Variants in PTPRD observed in about 807,000 individuals in gnomAD.
PTPRD encodes the protein protein tyrosine phosphatase receptor type D, also known as receptor-type tyrosine-protein phosphatase delta.
A neutral mutation model predicts 214.5 loss-of-function variants in PTPRD; 34 were observed. The ratio of observed to expected loss-of-function variants is 0.16; its 90% CI spans 0.12 to 0.21. PTPRD has a LOEUF of 0.21. PTPRD is among the 10% of genes least tolerant of loss of function. The pLI is 1.00. For missense variants in PTPRD, 2,545 were observed against 2,398.7 expected (o/e 1.06, Z -1.27); for synonymous variants, 1,128 against 845.7 (o/e 1.33, Z -5.79).
intron 2 of PTPRD, among the ~76,000 whole-genome samples, chr9:10,516,314 T>G (rs1329270178): frequency 2.0e-5 from 3 of 151,888 alleles, no homozygotes; most frequent in Admixed American, 1.3e-4. Flanking sequence ...TTGCACTTCT[T>G]GACAATTAGT....
At chr9:9,126,469 T>A (rs1188842881) in intron 10 of PTPRD, among the ~76,000 whole-genome samples, 1 of 152,224 alleles carries the variant, frequency 6.6e-6, no homozygotes, top group African/African-American at 2.4e-5. Context: ...GATTTTACCA[T>A]AGGTTAACTG....
chr9:9,775,310 G>A (rs1483842467), intron 5 of PTPRD, among the ~76,000 whole-genome samples: 1 of 152,134 alleles, frequency 6.6e-6, no homozygotes, highest in African/African-American at 2.4e-5. Context: ...TGAAGCTGAA[G>A]GGCTGGTTCC....
chr9:10,069,784 A>T (rs1282096220), intron 3 of PTPRD, among the ~76,000 whole-genome samples: 1 of 152,062 alleles, frequency 6.6e-6, no homozygotes, highest in Non-Finnish European at 1.5e-5. Context: ...CAATTATGAC[A>T]ATTATGAAAT....
chr9:8,698,534 A>C (rs1215294547), intron 12 of PTPRD, among the ~76,000 whole-genome samples: 2 of 152,202 alleles, frequency 1.3e-5, no homozygotes, highest in African/African-American at 4.8e-5. Context: ...TTTCTGTTGA[A>C]AGTTTTATCT....
intron 7 of PTPRD, among the ~76,000 whole-genome samples, chr9:9,728,091 C>A (rs146889003): frequency 6.6e-6 from 1 of 152,096 alleles, no homozygotes; most frequent in Non-Finnish European, 1.5e-5. Context: ...GGGGTTTCCT[C>A]TTTTTGCTTG....
At chr9:9,941,747 TGAA>T (rs1366874485) in intron 4 of PTPRD, among the ~76,000 whole-genome samples, 4 of 152,168 alleles carry the variant, frequency 2.6e-5, no homozygotes, top group Admixed American at 2.6e-4. Flanking sequence ...AGAACAACTC[TGAA>T]GAAGAGGTCC....
intron 2 of PTPRD, among the ~76,000 whole-genome samples, chr9:10,528,284 A>C (rs2054963870): frequency 6.6e-6 from 1 of 152,172 alleles, no homozygotes. Flanking sequence ...CCTGCTGTGC[A>C]TCCGTGCATG....
rs140252153 is a variant in PTPRD at position 9,429,395 on chromosome 9, T to A, written c.-236-31913A>T. Among the ~76,000 whole-genome samples the A allele has an allele frequency of 2.1e-3, 324 of 152,228 alleles. 2 individuals are homozygous for A. Among genetic ancestry groups the A allele is most frequent in the Non-Finnish European group, 4.0e-3 (274 of 68,024 alleles). On this transcript the variant is annotated intron_variant, in intron 8 of 45. Transcript: ENST00000381196. Reference sequence around the variant, plus strand: ...ATAGACCAATAGCAGGCTCTGAAATTGAGGCAATAATGAAGAGCCTACTGA... The same window carrying A: ...ATAGACCAATAGCAGGCTCTGAAATAGAGGCAATAATGAAGAGCCTACTGA...
At chr9:8,962,551 A>C (rs10977403) in intron 11 of PTPRD, among the ~76,000 whole-genome samples, 3 of 151,698 alleles carry the variant, frequency 2.0e-5, no homozygotes, top group Non-Finnish European at 4.4e-5. Flanking sequence ...AGAGAGAGAG[A>C]GAGAGCGAGA....
chr9:10,104,010 T>C (rs537725815), intron 3 of PTPRD, among the ~76,000 whole-genome samples: 4 of 151,660 alleles, frequency 2.6e-5, no homozygotes, highest in Non-Finnish European at 5.9e-5. Context: ...TTCTGACACA[T>C]ACCACCATGT....
At chr9:8,491,455 T>C (rs2097147595) in intron 27 of PTPRD, among the ~76,000 whole-genome samples, 1 of 152,164 alleles carries the variant, frequency 6.6e-6, no homozygotes, top group African/African-American at 2.4e-5. Context: ...TGGTGCTTCA[T>C]ATAAAACATT....
chr9:8,908,296 G>A (rs2098722374), intron 11 of PTPRD, among the ~76,000 whole-genome samples: 2 of 152,072 alleles, frequency 1.3e-5, no homozygotes, highest in African/African-American at 4.8e-5. Flanking sequence ...AAACACTAAA[G>A]GAATTTCATC....
At chr9:8,637,386 C>G (rs1443970432) in intron 12 of PTPRD, among the ~76,000 whole-genome samples, 2 of 152,210 alleles carry the variant, frequency 1.3e-5, no homozygotes, top group South Asian at 4.1e-4. Flanking sequence ...TAAAGTGACT[C>G]TCTAACCCAG....
At chr9:9,985,096 A>C (rs1659104123) in intron 4 of PTPRD, among the ~76,000 whole-genome samples, 1 of 152,214 alleles carries the variant, frequency 6.6e-6, no homozygotes, top group Non-Finnish European at 1.5e-5. Flanking sequence ...TGAAAAGTTA[A>C]ATATCATGAA....
intron 35 of PTPRD, among the ~76,000 whole-genome samples, chr9:8,428,188 T>G (rs1158683049): frequency 1.3e-5 from 2 of 152,074 alleles, no homozygotes; most frequent in African/African-American, 4.8e-5. Flanking sequence ...GCTCAACAAG[T>G]AGAAAGCCCG....
intron 8 of PTPRD, among the ~76,000 whole-genome samples, chr9:9,471,265 T>C (rs989732164): frequency 1.3e-5 from 2 of 152,174 alleles, no homozygotes; most frequent in African/African-American, 2.4e-5. Context: ...GGACACACAT[T>C]TGATATTTCT....
At chr9:8,743,246 C>A (rs1312590313) in intron 11 of PTPRD, among the ~76,000 whole-genome samples, 2 of 152,100 alleles carry the variant, frequency 1.3e-5, no homozygotes, top group African/African-American at 4.8e-5. Flanking sequence ...CCCAAATTTC[C>A]CTTTTTGTCC....
chr9:9,729,334 C>T (rs879582151), intron 7 of PTPRD, among the ~76,000 whole-genome samples: 6 of 152,036 alleles, frequency 3.9e-5, no homozygotes, highest in Non-Finnish European at 8.8e-5. Flanking sequence ...CTACAATCTC[C>T]TTTGCAGAGG....
At chr9:10,139,325 A>AT (rs1257608831) in intron 3 of PTPRD, among the ~76,000 whole-genome samples, 5 of 152,008 alleles carry the variant, frequency 3.3e-5, no homozygotes, top group South Asian at 2.1e-4. Context: ...AATCAAGGAG[A>AT]TAAAAAAAAC....
Sources: allele counts gnomAD v4.1 joint callset (sites outside exome capture counted in the v4.1 genomes callset), GRCh38; gene constraint gnomAD v4.1.1; transcripts MANE v1.5; gene names NCBI Gene and HGNC (gene_info 2026-07-23, HGNC 2026-07-21).